The following CORO2B variants were observed in gnomAD, a reference collection of about 807,000 sequenced individuals.
CORO2B encodes coronin 2B, also known as coronin-2B.
In CORO2B, 26 loss-of-function variants were observed where a neutral mutation model predicts 58.8. The ratio of observed to expected loss-of-function variants is 0.44; its 90% confidence interval spans 0.32 to 0.61. The LOEUF (loss-of-function observed/expected upper bound fraction) is 0.61. Ranked by LOEUF, CORO2B falls within the 20% of genes least tolerant of loss-of-function variation. CORO2B has a pLI of 0.04. For missense variants in CORO2B, 460 were observed against 645.1 expected, an observed-to-expected ratio of 0.71 and a Z score of 3.11; for synonymous variants, 242 against 253.8, an observed-to-expected ratio of 0.95 and a Z score of 0.44.
the CORO2B span, among the ~76,000 whole-genome samples, chr15:68,559,059 G>A: frequency 1.3e-5 from 2 of 152,224 alleles, no homozygotes; most frequent in South Asian, 2.1e-4. This position sits in a 1 kb window ranked among gnomAD's most constrained non-coding sequence, Gnocchi z 4.3. Flanking sequence ...GCTAGGCGCC[G>A]TTCTTCCTGC....
At chr15:68,538,069 C>A in the CORO2B span, among the ~76,000 whole-genome samples, 1 of 152,198 alleles carries the variant, frequency 6.6e-6, no homozygotes, top group Non-Finnish European at 1.5e-5. Context: ...CTTACGTTAC[C>A]TTTAACTATT....
At chr15:68,706,109 G>A (rs766175705) in intron 3 of CORO2B, among the ~76,000 whole-genome samples, 6 of 152,108 alleles carry the variant, frequency 3.9e-5, no homozygotes, top group African/African-American at 1.4e-4. Context: ...CCTCAGTGAC[G>A]AGATATGACA....
intron 2 of CORO2B, among the ~76,000 whole-genome samples, chr15:68,683,354 C>G (rs958450903): frequency 2.0e-5 from 3 of 152,230 alleles, no homozygotes; most frequent in African/African-American, 7.2e-5. Context: ...GTCCCCAGCA[C>G]TCCCACCTGC....
intron 11 of CORO2B, among the ~76,000 whole-genome samples, chr15:68,723,739 C>T (rs1250833394): frequency 6.6e-6 from 1 of 152,104 alleles, no homozygotes; most frequent in African/African-American, 2.4e-5. Flanking sequence ...GCGTGAGCCA[C>T]CGTGCCCGGC....
intron 1 of CORO2B, among the ~76,000 whole-genome samples, chr15:68,621,174 C>T (rs534260086): frequency 2.0e-5 from 3 of 152,108 alleles, no homozygotes; most frequent in Admixed American, 6.6e-5. Context: ...GTAGCCACAG[C>T]GTCTAATGAG....
intron 1 of CORO2B, among the ~76,000 whole-genome samples, chr15:68,618,655 G>A (rs948045350): frequency 1.3e-5 from 2 of 152,188 alleles, no homozygotes; most frequent in African/African-American, 2.4e-5. Context: ...CTGCCGAGGC[G>A]AGCACAAGGC....
upstream of CORO2B, among the ~76,000 whole-genome samples, chr15:68,576,109 C>T (rs1043875188): frequency 5.9e-5 from 8 of 136,630 alleles, no homozygotes; most frequent in South Asian, 2.3e-4. Flanking sequence ...GCCAAGACCA[C>T]GCCATTGCAC....
intron 1 of CORO2B, among the ~76,000 whole-genome samples, chr15:68,635,890 A>G (rs979612468): frequency 6.6e-6 from 1 of 152,142 alleles, no homozygotes; most frequent in East Asian, 1.9e-4. Flanking sequence ...TCGTATATTT[A>G]TCAAGATGAT....
the CORO2B span, among the ~76,000 whole-genome samples, chr15:68,547,270 G>T: frequency 6.6e-6 from 1 of 152,100 alleles, no homozygotes; most frequent in African/African-American, 2.4e-5. Context: ...AAACTCAACT[G>T]TTCTGGAATT....
the CORO2B span, among the ~76,000 whole-genome samples, chr15:68,532,756 A>G: frequency 2.0e-5 from 3 of 152,200 alleles, no homozygotes; most frequent in African/African-American, 7.2e-5. Context: ...TGTGTAAAGC[A>G]TGTTGGGAAG....
At chr15:68,591,311 G>A (rs1899699715) in intron 1 of CORO2B, among the ~76,000 whole-genome samples, 1 of 152,246 alleles carries the variant, frequency 6.6e-6, no homozygotes, top group Admixed American at 6.5e-5. Flanking sequence ...ATTCCAGGTT[G>A]AGCGGGCAGC....
intron 11 of CORO2B, among the ~76,000 whole-genome samples, chr15:68,723,054 T>C (rs895845392): frequency 6.7e-6 from 1 of 149,188 alleles, no homozygotes; most frequent in Non-Finnish European, 1.5e-5. Context: ...GCAACAAGAG[T>C]GAAACTCCGT....
chr15:68,627,270 T>G (rs1724029811), intron 1 of CORO2B, among the ~76,000 whole-genome samples: 1 of 152,242 alleles, frequency 6.6e-6, no homozygotes, highest in African/African-American at 2.4e-5. Context: ...CAGAAATGAC[T>G]AAGACATCAT....
chr15:68,554,318 C>T, the CORO2B span, among the ~76,000 whole-genome samples: 2 of 152,048 alleles, frequency 1.3e-5, no homozygotes, highest in South Asian at 2.1e-4. Context: ...AGCAGGTGGA[C>T]GTAATACTGA....
At chr15:68,652,241 T>C (rs966737657) in intron 2 of CORO2B, among the ~76,000 whole-genome samples, 1 of 152,198 alleles carries the variant, frequency 6.6e-6, no homozygotes, top group Non-Finnish European at 1.5e-5. Flanking sequence ...CCAGTGCCTG[T>C]TTTTTCCCCT....
the CORO2B span, among the ~76,000 whole-genome samples, chr15:68,546,906 C>A: frequency 1.3e-5 from 2 of 152,212 alleles, no homozygotes; most frequent in South Asian, 4.1e-4. Flanking sequence ...GAGACTTTCA[C>A]CCTCTCTTGT....
chr15:68,579,232 C>T lies in CORO2B; in HGVS notation c.-31C>T. ...CCGCCGCCGCCCCCGCACGCCGCGC[C>T]CGCGCCCCCGCTCCGCCGCGGAGTT... On this transcript the variant is annotated 5_prime_UTR_variant, in exon 1 of 12. Transcript: ENST00000261861. 8.9e-7 allele frequency: 1 copy of T among 1,125,278 alleles called. No homozygotes were observed. Among genetic ancestry groups the T allele is most frequent in the Non-Finnish European group, 1.1e-6 (1 of 921,310 alleles). The allele number at this position is 1,125,278 out of a possible 1,614,324, so 69.7% of individuals were successfully genotyped here.
chr15:68,686,520 A>G (rs896009548), intron 2 of CORO2B, among the ~76,000 whole-genome samples: 4 of 152,224 alleles, frequency 2.6e-5, no homozygotes, highest in Admixed American at 6.5e-5. Context: ...TCTCATCCAT[A>G]AAATGAACTG....
At chr15:68,705,577 GCCCTGCCTGAGA>G (rs1892765536) in intron 3 of CORO2B, among the ~76,000 whole-genome samples, 1 of 152,104 alleles carries the variant, frequency 6.6e-6, no homozygotes, top group South Asian at 2.1e-4. Context: ...AGTCCCTCAA[GCCCTGCCTGAGA>G]CCCTACATCC....
Sources: gnomAD v4.1 joint callset for allele counts (sites outside exome capture counted in the v4.1 genomes callset) on GRCh38, gnomAD v4.1.1 for gene constraint, Gnocchi (gnomAD v3.1) non-coding constraint, MANE v1.5 for transcripts, NCBI Gene and HGNC (gene_info 2026-07-23, HGNC 2026-07-21) for gene names.